Variants in EPC1 observed in about 807,000 individuals in gnomAD.
EPC1 encodes the protein enhancer of polycomb homolog 1.
A neutral mutation model predicts 98.4 loss-of-function variants in EPC1; 12 were observed. The observed-to-expected ratio is 0.12, with a 90% CI of 0.08 to 0.20. The LOEUF (loss-of-function observed/expected upper bound fraction) is 0.20, where lower values mean the gene tolerates loss of function less well. Among genes scored for constraint, EPC1 ranks in the 10% least tolerant of loss-of-function variants. The pLI is 1.00. For synonymous variants in EPC1, 357 were observed against 363.9 expected, an observed-to-expected ratio of 0.98 and a Z score of 0.21; for missense variants, 729 against 990.5, an observed-to-expected ratio of 0.74 and a Z score of 3.54.
chr10:32,345,812 A>G (rs971693385), intron 1 of EPC1, among the ~76,000 whole-genome samples: 3 of 152,232 alleles, frequency 2.0e-5, no homozygotes, highest in African/African-American at 4.8e-5. Context: ...TCGGTTTTGA[A>G]TAAGAAAGGA....
At chr10:32,348,450 C>T (rs1393386578), upstream of EPC1, among the ~76,000 whole-genome samples, 1 of 152,148 alleles carries the variant, frequency 6.6e-6, no homozygotes, top group African/African-American at 2.4e-5. Context: ...AAAGTAATCA[C>T]GCTCCTTAAA....
At chr10:32,287,348 A>T (rs1836744230) in intron 6 of EPC1, 74 bp from the exon 7 acceptor site, 4 of 1,500,060 alleles carry the variant, frequency 2.7e-6, no homozygotes, top group East Asian at 2.3e-5. Flanking sequence ...GGGAAATTTT[A>T]AAAAGAAGTT....
chr10:32,351,716 T>C (rs1281819148), upstream of EPC1, among the ~76,000 whole-genome samples: 1 of 149,804 alleles, frequency 6.7e-6, no homozygotes, highest in East Asian at 1.9e-4. Context: ...TTCATTCTTT[T>C]GATTATTTAT....
At chr10:32,360,151 A>ATGTTTGTATCATTAGTAGTTT (rs1839400827) in intron 1 of EPC1, among the ~76,000 whole-genome samples, 2 of 152,246 alleles carry the variant, frequency 1.3e-5, no homozygotes, top group East Asian at 3.9e-4. Context: ...TGTATCATTT[A>ATGTTTGTATCATTAGTAGTTT]TGTTTGTATC....
intron 1 of EPC1, among the ~76,000 whole-genome samples, chr10:32,311,238 A>G (rs957839639): frequency 8.6e-5 from 13 of 151,894 alleles, no homozygotes; most frequent in South Asian, 2.1e-4. Flanking sequence ...GCATGAACCC[A>G]GGAGGCGGAA....
At chr10:32,312,135 A>C (rs920434865) in intron 1 of EPC1, among the ~76,000 whole-genome samples, 1 of 152,156 alleles carries the variant, frequency 6.6e-6, no homozygotes, top group Non-Finnish European at 1.5e-5. Flanking sequence ...AAGCACAGTG[A>C]GTGAGGTGGT....
At chr10:32,351,306 A>G (rs1839101455), upstream of EPC1, among the ~76,000 whole-genome samples, 1 of 152,146 alleles carries the variant, frequency 6.6e-6, no homozygotes, top group East Asian at 1.9e-4. Context: ...ATCGTTTGTC[A>G]TTATTGCTTA....
chr10:32,316,007 T>C (rs1259106155), intron 1 of EPC1, among the ~76,000 whole-genome samples: 5 of 152,216 alleles, frequency 3.3e-5, no homozygotes, highest in Admixed American at 3.3e-4. Flanking sequence ...TACTGTTAAC[T>C]ATTCCCCTTT....
At position 32,291,320 on chromosome 10, in the gene EPC1, T is replaced by C; in HGVS notation, c.818A>G (p.Tyr273Cys). ...HLTLEIMEKR[Y>C]NLGDYNGEIM... ...CTCTCCATTGTAGTCGCCCAAATTATACCTAAAATTATACAAATGAAAGTT... is the reference window on the plus strand; with the variant it reads ...CTCTCCATTGTAGTCGCCCAAATTACACCTAAAATTATACAAATGAAAGTT... Residue 273 changes from tyrosine to cysteine, a missense_variant and splice_region_variant, in exon 6 of 14, where the codon TAT becomes TGT. Coordinates refer to ENST00000319778, the MANE Select transcript of EPC1 (RefSeq NM_001272004.3). The C allele has an allele frequency of 6.2e-7, 1 of 1,602,444 alleles. No individual in the cohort carries two copies. The highest frequency in any genetic ancestry group is 1.7e-4 in the Middle Eastern group (1 of 5,996).
chr10:32,365,425 T>C (rs1170695050), intron 1 of EPC1, among the ~76,000 whole-genome samples: 2 of 152,100 alleles, frequency 1.3e-5, no homozygotes, highest in East Asian at 3.8e-4. Flanking sequence ...ACAGTCTTAT[T>C]TAGGCACTGA....
chr10:32,308,070 G>A (rs540514734), intron 1 of EPC1, among the ~76,000 whole-genome samples: 2 of 152,278 alleles, frequency 1.3e-5, no homozygotes, highest in South Asian at 2.1e-4. Context: ...CCAAATGAGA[G>A]GTAGCTGTAG....
intron 1 of EPC1, among the ~76,000 whole-genome samples, chr10:32,312,759 A>C (rs1364166094): frequency 6.6e-6 from 1 of 152,256 alleles, no homozygotes; most frequent in Admixed American, 6.5e-5. Flanking sequence ...GTTTTAAAAA[A>C]CATTTTTAAA....
intron 1 of EPC1, among the ~76,000 whole-genome samples, chr10:32,327,833 T>C (rs2031790): frequency 0.91 from 138,690 of 152,232 alleles, 64,605 homozygotes; most frequent in East Asian, 1. Flanking sequence ...TATTATAACT[T>C]TGGGGGACAC....
rs1181905002 is a variant in EPC1, at chr10:32,268,014, T to A, written c.*1049A>T. On this transcript the variant is annotated 3_prime_UTR_variant, in exon 14 of 14. Coordinates refer to ENST00000319778, the MANE Select transcript of EPC1 (RefSeq NM_001272004.3). ...GAATCTTAAAAGGAAAAAAGCTGGC[T>A]GGCTGTTTTTAGAAACTGGAATGAT... 1 of 152,244 alleles carries A rather than the reference T, an allele frequency of 6.6e-6. No homozygotes were observed. Among genetic ancestry groups the A allele is most frequent in the Non-Finnish European group, 1.5e-5 (1 of 68,030 alleles). The allele number at this position is 152,244 out of a possible 1,614,324, so 9.4% of individuals were successfully genotyped here. A position where few individuals can be genotyped will look rare whatever the true frequency, so the allele number is the denominator to read the frequency against.
At chr10:32,334,216 T>C (rs927323721) in intron 1 of EPC1, among the ~76,000 whole-genome samples, 1 of 152,144 alleles carries the variant, frequency 6.6e-6, no homozygotes, top group Non-Finnish European at 1.5e-5. Context: ...CCCCCCGCTT[T>C]GATAGGAATG....
At chr10:32,299,219 G>A (rs913218393) in intron 2 of EPC1, among the ~76,000 whole-genome samples, 5 of 151,862 alleles carry the variant, frequency 3.3e-5, no homozygotes, top group African/African-American at 9.7e-5. Flanking sequence ...GGAATCTCAC[G>A]CTGTCACCCA....
At chr10:32,294,129 C>G (rs1362314939) in intron 2 of EPC1, among the ~76,000 whole-genome samples, 1 of 151,902 alleles carries the variant, frequency 6.6e-6, no homozygotes, top group Non-Finnish European at 1.5e-5. Flanking sequence ...AAGGAGAAGG[C>G]CTTTAAGATT....
chr10:32,376,106 T>C (rs978886503), intron 1 of EPC1, among the ~76,000 whole-genome samples: 2 of 152,042 alleles, frequency 1.3e-5, no homozygotes, highest in Non-Finnish European at 1.5e-5. Context: ...GTAAGAGTCA[T>C]ATATAAAATG....
In EPC1 at chr10:32,346,985, G is replaced by A. The variant is rs944315232; in HGVS notation, c.-70C>T. 1.3e-6 allele frequency: 2 copies of A among 1,581,756 alleles called. No individual in the cohort carries two copies. Among genetic ancestry groups the A allele is most frequent in the African/African-American group, 1.3e-5 (1 of 74,470 alleles). ...GCCAGCGGGATCATGGAGAACCGGG[G>A]GTTCGGTCCCCACTCGCCAACCGCT... On this transcript the variant is annotated 5_prime_UTR_variant, in exon 1 of 14. Coordinates refer to ENST00000319778, the MANE Select transcript of EPC1 (RefSeq NM_001272004.3).
Sources: gnomAD v4.1 joint callset for allele counts (sites outside exome capture counted in the v4.1 genomes callset) on GRCh38, gnomAD v4.1.1 for gene constraint, MANE v1.5 for transcripts, NCBI Gene and HGNC (gene_info 2026-07-23, HGNC 2026-07-21) for gene names.